The following MDH1B variants were observed in gnomAD, a reference collection of about 807,000 sequenced individuals.
The protein encoded by MDH1B is putative malate dehydrogenase 1B.
Under a neutral mutation model 61.4 loss-of-function variants are expected in MDH1B, and 60 were observed. The ratio of observed to expected loss-of-function variants is 0.98; its 90% CI spans 0.79 to 1.21. The LOEUF (loss-of-function observed/expected upper bound fraction) is 1.21, where lower values mean the gene tolerates loss of function less well. Ranked by LOEUF, MDH1B falls within the 50% of genes most tolerant of loss-of-function variation. The pLI, the probability that MDH1B is intolerant of heterozygous loss-of-function variation, is 0.00. For missense variants in MDH1B, 587 were observed against 632.1 expected (o/e 0.93, Z 0.76); for synonymous variants, 236 against 218.7 (o/e 1.08, Z -0.70).
chr2:206,744,708 C>T (rs1397406556), intron 9 of MDH1B, among the ~76,000 whole-genome samples: 2 of 151,866 alleles, frequency 1.3e-5, no homozygotes, highest in South Asian at 2.1e-4. Flanking sequence ...GGGTGGATCA[C>T]GAGGTCAGCA....
At chr2:206,757,968 A>C (rs1000390414) in intron 2 of MDH1B, among the ~76,000 whole-genome samples, 2 of 152,254 alleles carry the variant, frequency 1.3e-5, no homozygotes, top group Non-Finnish European at 2.9e-5. Context: ...ACATGGCAGC[A>C]GTCTTAAAAA....
At chr2:206,754,960 T>A (rs1224883594) in intron 5 of MDH1B, 49 bp downstream of exon 5, 1 of 1,570,462 alleles carries the variant, frequency 6.4e-7, no homozygotes, top group East Asian at 2.2e-5. Context: ...TGCTTTGAAA[T>A]CATGTTGTTT....
intron 2 of MDH1B, 99 bp from the exon 3 acceptor site, chr2:206,757,470 A>C: frequency 9.0e-7 from 1 of 1,113,090 alleles, no homozygotes; most frequent in Non-Finnish European, 1.3e-6. Flanking sequence ...GGTTGCTTTT[A>C]ATGTCACTAT....
In MDH1B at chr2:206,755,191, A is replaced by G. The variant is rs1486476381; in HGVS notation, c.728T>C (p.Ile243Thr). 3.1e-6 allele frequency: 5 copies of G among 1,614,106 alleles called. No homozygotes were observed. Among genetic ancestry groups the G allele is most frequent in the Non-Finnish European group, 4.2e-6 (5 of 1,180,022 alleles). Residue 243 changes from isoleucine to threonine, a missense_variant, in exon 5 of 12, where the codon ATA becomes ACA. Transcript: ENST00000374412. ...GACAGACTCATGAGCATTTTTCTCTATCAGGTACCCATAGAGCCTGCAGAG... is the reference window on the plus strand; with the variant it reads ...GACAGACTCATGAGCATTTTTCTCTGTCAGGTACCCATAGAGCCTGCAGAG... ...VPLCRLYGYL[I>T]EKNAHESVRV...
chr2:206,758,673 G>C (rs1375513983), intron 2 of MDH1B, among the ~76,000 whole-genome samples: 1 of 152,122 alleles, frequency 6.6e-6, no homozygotes, highest in Non-Finnish European at 1.5e-5. Context: ...GGCTGAGGCA[G>C]GAGAATTGCT....
intron 9 of MDH1B, among the ~76,000 whole-genome samples, chr2:206,742,012 A>G (rs1687840854): frequency 6.6e-6 from 1 of 151,370 alleles, no homozygotes; most frequent in South Asian, 2.1e-4. Context: ...GACTCTATAC[A>G]TAATACCTTT....
intron 1 of MDH1B, among the ~76,000 whole-genome samples, chr2:206,762,772 T>C (rs1291443303): frequency 1.3e-5 from 2 of 152,196 alleles, no homozygotes; most frequent in Admixed American, 6.5e-5. Context: ...ATCCAGCAGA[T>C]ACTTTCCGAT....
intron 5 of MDH1B, 83 bp downstream of exon 5, chr2:206,754,926 A>G: frequency 1.4e-6 from 2 of 1,425,102 alleles, no homozygotes; most frequent in Non-Finnish European, 1.9e-6. Context: ...GAATGTTCCT[A>G]GAGGGGACAG....
intron 2 of MDH1B, 129 bp downstream of exon 2, chr2:206,760,772 A>G (rs113024561): frequency 8.8e-6 from 5 of 569,506 alleles, no homozygotes; most frequent in African/African-American, 7.5e-5. Context: ...TTGTTTTACT[A>G]GTATTCAAAT....
chr2:206,740,006 T>C (rs1687719251), intron 10 of MDH1B, among the ~76,000 whole-genome samples: 2 of 152,246 alleles, frequency 1.3e-5, no homozygotes, highest in African/African-American at 2.4e-5. Flanking sequence ...TAGTTTCAGA[T>C]GAAGCCATAA....
At chr2:206,751,143 T>C (rs1574634787) in intron 5 of MDH1B, 68 bp from the exon 6 acceptor site, 2 of 1,173,956 alleles carry the variant, frequency 1.7e-6, no homozygotes, top group Non-Finnish European at 2.3e-6. Context: ...GCCTGAAGCC[T>C]ATTTTTTGTT....
At position 206,757,293 on chromosome 2, in the gene MDH1B, G is replaced by A. The variant is rs746667545; in HGVS notation, c.214C>T (p.Arg72Cys). ...SPIIWRELLDRGGKGLLLGGY... is the reference protein window; with the variant it reads ...SPIIWRELLDCGGKGLLLGGY... ...CCCAAAAGCAAACCCTTTCCTCCAC[G>A]ATCCAACAGCTCTCTCCAGATGATA... The change falls in exon 3 of 12, where the codon CGT becomes TGT. Residue 72 changes from arginine (R) to cysteine (C), a missense_variant. Arg to Cys is a radical substitution (Grantham distance 180). Coordinates refer to ENST00000374412, the MANE Select transcript of MDH1B (RefSeq NM_001039845.3). 5.6e-6 allele frequency: 9 copies of A among 1,613,852 alleles called. No individual in the cohort carries two copies. The highest frequency in any genetic ancestry group is 2.7e-5 in the African/African-American group (2 of 75,020).
At chr2:206,747,083 TC>T (rs1688155904) in intron 7 of MDH1B, among the ~76,000 whole-genome samples, 1 of 152,066 alleles carries the variant, frequency 6.6e-6, no homozygotes, top group Non-Finnish European at 1.5e-5. Flanking sequence ...GACAAAATTG[TC>T]CCCGTTTCTG....
chr2:206,749,086 T>C lies in MDH1B; in HGVS notation c.1150A>G (p.Thr384Ala), dbSNP rs1235575516. 1.2e-6 allele frequency: 2 copies of C among 1,613,982 alleles called. No individual in the cohort carries two copies. The highest frequency in any genetic ancestry group is 1.1e-5 in the South Asian group (1 of 91,084). Residue 384 changes from threonine to alanine, a missense_variant, in exon 7 of 12, where the codon ACA becomes GCA. Transcript: ENST00000374412. ...GAGCCATGGTACCAGTATTTCAGTG[T>C]AGTGGCTATACTGTGTGCAGCCAAA... The part of the protein sequence containing the change: ...GILAAHSIAT[T>A]LKYWYHGSPP...
chr2:206,749,835 C>T (rs1688332503), intron 6 of MDH1B, among the ~76,000 whole-genome samples: 1 of 152,192 alleles, frequency 6.6e-6, no homozygotes, highest in African/African-American at 2.4e-5. Context: ...CATGTTGGTG[C>T]TCAAAAAGTT....
intron 6 of MDH1B, 57 bp from the exon 7 acceptor site, chr2:206,749,240 G>A: frequency 1.3e-6 from 2 of 1,514,570 alleles, no homozygotes; most frequent in South Asian, 1.2e-5. Flanking sequence ...AGAGAAAAAG[G>A]ATGTTCCCTG....
At chr2:206,744,948 A>T (rs1437030071) in intron 9 of MDH1B, among the ~76,000 whole-genome samples, 75 of 115,292 alleles carry the variant, frequency 6.5e-4, no homozygotes, top group African/African-American at 2.6e-3. Context: ...ATAAATAAAT[A>T]AAATATATAT....
intron 9 of MDH1B, among the ~76,000 whole-genome samples, chr2:206,744,974 C>T (rs1559333882): frequency 6.6e-6 from 1 of 151,034 alleles, no homozygotes; most frequent in Non-Finnish European, 1.5e-5. Context: ...TGTTGAAGTC[C>T]TAACGCCTGG....
At position 206,745,659 on chromosome 2, in the gene MDH1B, T is replaced by C. The variant is rs1423402403; in HGVS notation, c.1371A>G (p.Ala457=). The change falls in exon 9 of 12, where the codon GCA becomes GCG. Residue 457 remains alanine, a synonymous_variant. Transcript: ENST00000374412. ...TSDLIQEKLV[A]LGDKIHFQPY... The stretch of plus-strand genomic sequence containing the variant: ...GCTGAAAATGTATCTTGTCTCCAAG[T>C]GCAACAAGTTTCTCCTGTTGAAATT... 2 of 1,611,552 alleles carry C rather than the reference T, an allele frequency of 1.2e-6. No individual in the cohort carries two copies. Among genetic ancestry groups the C allele is most frequent in the Non-Finnish European group, 1.7e-6 (2 of 1,178,506 alleles).
Sources: allele counts gnomAD v4.1 joint callset (sites outside exome capture counted in the v4.1 genomes callset), GRCh38; gene constraint gnomAD v4.1.1; transcripts MANE v1.5; gene names NCBI Gene and HGNC (gene_info 2026-07-23, HGNC 2026-07-21).